Variants in COL11A1 observed in about 807,000 individuals in gnomAD.
COL11A1 encodes collagen alpha-1(XI) chain.
A neutral mutation model predicts 265.2 loss-of-function variants in COL11A1; 74 were observed. The ratio of observed to expected loss-of-function variants is 0.28; its 90% CI spans 0.23 to 0.34. The LOEUF is 0.34. Among genes scored for constraint, COL11A1 ranks in the 10% least tolerant of loss-of-function variants. The pLI is 1.00. For synonymous variants in COL11A1, 816 were observed against 727.6 expected (o/e 1.12, Z -1.96); for missense variants, 2,165 against 2,263.6 (o/e 0.96, Z 0.88).
At chr1:102,987,080 CTAATGTGGAAGAACTCTA>C (rs752509822) in intron 30 of COL11A1, among the ~76,000 whole-genome samples, 48 of 152,014 alleles carry the variant, frequency 3.2e-4, no homozygotes, top group South Asian at 2.1e-4. Flanking sequence ...TTCTCAACAT[CTAATGTGGAAGAACTCTA>C]AGAGTAGCTG....
chr1:102,913,802 A>C, intron 52 of COL11A1, 112 bp from the exon 53 acceptor site: 1 of 957,662 alleles, frequency 1.0e-6, no homozygotes, highest in South Asian at 1.3e-5. Flanking sequence ...TATCAGATGG[A>C]CAAGTAAAAT....
chr1:103,083,124 G>A, intron 1 of COL11A1, 152 bp from the exon 2 acceptor site: 1 of 674,992 alleles, frequency 1.5e-6, no homozygotes, highest in Non-Finnish European at 2.5e-6. Flanking sequence ...AGTTTGGAGA[G>A]TGGGGCAGCA....
chr1:103,082,317 C>T (rs1672479517), intron 2 of COL11A1, among the ~76,000 whole-genome samples: 2 of 151,964 alleles, frequency 1.3e-5, no homozygotes, highest in African/African-American at 4.8e-5. Context: ...AAAAGTATCT[C>T]TTTCAACAGA....
At chr1:103,064,330 T>G (rs1670905928) in intron 4 of COL11A1, among the ~76,000 whole-genome samples, 1 of 152,124 alleles carries the variant, frequency 6.6e-6, no homozygotes, top group Non-Finnish European at 1.5e-5. Flanking sequence ...CTGATAAATA[T>G]GTACCACATC....
chr1:102,933,956 G>T (rs1009074387), intron 46 of COL11A1, among the ~76,000 whole-genome samples: 1 of 151,458 alleles, frequency 6.6e-6, no homozygotes, highest in African/African-American at 2.4e-5. Context: ...GCTCGCACAC[G>T]GTGCGCGCAC....
At chr1:102,996,995 T>G in intron 26 of COL11A1, 85 bp downstream of exon 26, 1 of 1,097,270 alleles carries the variant, frequency 9.1e-7, no homozygotes, top group Non-Finnish European at 1.4e-6. Context: ...ATGAACGTGA[T>G]TTATATATAT....
chr1:102,926,340 T>C (rs769559129), intron 46 of COL11A1, among the ~76,000 whole-genome samples: 1 of 151,978 alleles, frequency 6.6e-6, no homozygotes, highest in Non-Finnish European at 1.5e-5. Flanking sequence ...AAAATGAAGT[T>C]AGGCCAAGAA....
chr1:103,095,123 T>C (rs1673646340), intron 1 of COL11A1, among the ~76,000 whole-genome samples: 1 of 152,078 alleles, frequency 6.6e-6, no homozygotes, highest in African/African-American at 2.4e-5. Flanking sequence ...AGAATTTGGC[T>C]CTTATATTGA....
intron 54 of COL11A1, among the ~76,000 whole-genome samples, chr1:102,905,515 T>TAAAAAAAAAAAA (rs35687179): frequency 7.1e-6 from 1 of 140,106 alleles, no homozygotes. Context: ...CCATATAAGT[T>TAAAAAAAAAAAA]AAAAAAAAAA....
chr1:103,065,522 CAAAAA>C (rs138446065), intron 4 of COL11A1, among the ~76,000 whole-genome samples: 4 of 35,350 alleles, frequency 1.1e-4, no homozygotes, highest in Non-Finnish European at 1.8e-4. Context: ...GACTCCGTCT[CAAAAA>C]AAAAAAAAAA....
intron 35 of COL11A1, among the ~76,000 whole-genome samples, chr1:102,978,096 TACTTAA>T (rs1400028785): frequency 1.3e-5 from 2 of 152,150 alleles, no homozygotes; most frequent in African/African-American, 2.4e-5. Flanking sequence ...CAGATTATAA[TACTTAA>T]ACTTATATCA....
chr1:102,914,929 G>A (rs973630974), intron 50 of COL11A1, 118 bp from the exon 51 acceptor site: 7 of 808,350 alleles, frequency 8.7e-6, no homozygotes, highest in East Asian at 5.4e-5. Flanking sequence ...TTTTTTAGAC[G>A]GAATATCACT....
intron 28 of COL11A1, among the ~76,000 whole-genome samples, chr1:102,992,760 T>A (rs1664264272): frequency 6.6e-6 from 1 of 152,040 alleles, no homozygotes; most frequent in East Asian, 1.9e-4. Flanking sequence ...TACCTTTAAA[T>A]TTTTTTAGGG....
At chr1:102,917,569 G>T (rs1305789991) in intron 49 of COL11A1, among the ~76,000 whole-genome samples, 3 of 151,726 alleles carry the variant, frequency 2.0e-5, no homozygotes, top group Non-Finnish European at 4.4e-5. Context: ...ATTAATTCAT[G>T]GTAACATCAC....
chr1:102,989,362 T>A (rs1397551465), intron 29 of COL11A1, among the ~76,000 whole-genome samples, 156 bp downstream of exon 29: 1 of 151,922 alleles, frequency 6.6e-6, no homozygotes, highest in Non-Finnish European at 1.5e-5. Flanking sequence ...AAAATTAAAA[T>A]CCTTAAATCT....
intron 23 of COL11A1, 23 bp downstream of exon 23, chr1:103,002,405 G>T: frequency 6.3e-7 from 1 of 1,590,990 alleles, no homozygotes; most frequent in Non-Finnish European, 8.6e-7. Context: ...TATTTCAAAG[G>T]AGCTGCAGTG....
chr1:103,028,166 G>A (rs1317556809), intron 5 of COL11A1, among the ~76,000 whole-genome samples: 1 of 152,078 alleles, frequency 6.6e-6, no homozygotes, highest in Non-Finnish European at 1.5e-5. Context: ...GAGTAGCTAG[G>A]ATTACAGGCG....
At chr1:103,006,014 T>A in intron 17 of COL11A1, 54 bp downstream of exon 17, 1 of 1,611,750 alleles carries the variant, frequency 6.2e-7, no homozygotes, top group Non-Finnish European at 8.5e-7. Flanking sequence ...AATATAAAAT[T>A]TTCCAGAGTG....
intron 49 of COL11A1, among the ~76,000 whole-genome samples, chr1:102,918,421 A>G (rs1435253832): frequency 6.6e-6 from 1 of 151,998 alleles, no homozygotes; most frequent in East Asian, 1.9e-4. Context: ...ACAAAATGCA[A>G]TGTGACTAAA....
Sources: allele counts gnomAD v4.1 joint callset (sites outside exome capture counted in the v4.1 genomes callset), GRCh38; gene constraint gnomAD v4.1.1; transcripts MANE v1.5; gene names NCBI Gene and HGNC (gene_info 2026-07-23, HGNC 2026-07-21).